The following PNPT1 variants were observed in gnomAD, a reference collection of about 807,000 sequenced individuals.
PNPT1 encodes the protein polyribonucleotide nucleotidyltransferase 1, mitochondrial.
In PNPT1, 53 loss-of-function variants were observed where a neutral mutation model predicts 119.5. That is an observed-to-expected ratio of 0.44 (90% CI 0.36 to 0.56). PNPT1 has a LOEUF of 0.56. PNPT1 is among the 20% of genes least tolerant of loss of function. The pLI is 0.00. For missense variants in PNPT1, 948 were observed against 938.5 expected, an observed-to-expected ratio of 1.01 and a Z score of -0.13; for synonymous variants, 357 against 322.1, an observed-to-expected ratio of 1.11 and a Z score of -1.16.
In PNPT1 at chr2:55,635,492, T is replaced by C. The variant is rs1370134738; in HGVS notation, c.*745A>G. ...ACCACGCCCGGCTAATTTTTGCACT[T>C]TTAGTAGAGACGGGGTTTCACCGTG... On this transcript the variant is annotated 3_prime_UTR_variant, in exon 28 of 28. Coordinates refer to ENST00000447944, the MANE Select transcript of PNPT1 (RefSeq NM_033109.5). The C allele has an allele frequency of 6.6e-6, 1 of 152,268 alleles. No individual in the cohort carries two copies. Among genetic ancestry groups the C allele is most frequent in the Non-Finnish European group, 1.5e-5 (1 of 68,108 alleles). The allele number at this position is 152,268 out of a possible 1,614,324, so 9.4% of individuals were successfully genotyped here. A position where few individuals can be genotyped will look rare whatever the true frequency, so the allele number is the denominator to read the frequency against.
At chr2:55,640,782 C>T in intron 25 of PNPT1, 77 bp from the exon 26 acceptor site, 1 of 1,008,430 alleles carries the variant, frequency 9.9e-7, no homozygotes, top group South Asian at 1.5e-5. Flanking sequence ...ACATTGTTTT[C>T]ATATGAGGAA....
In PNPT1 at chr2:55,668,075, T is replaced by G. The variant is rs540751722; in HGVS notation, c.977-117A>C. ...GGGAATCAACCAAGGGAGATGACTC[T>G]GAACGTTTAGTCCTCAGGCAAACAA... On this transcript the variant is annotated intron_variant, in intron 11 of 27. Transcript: ENST00000447944. 5.1e-5 allele frequency: 45 copies of G among 888,956 alleles called. 1 individual carries two copies. The African/African-American group carries it at 7.2e-4, about 14-fold the overall frequency. 55.1% of individuals were successfully genotyped at this position (888,956 alleles called of 1,614,324 possible).
At chr2:55,661,545 G>A (rs368149783) in intron 14 of PNPT1, among the ~76,000 whole-genome samples, 12 of 152,272 alleles carry the variant, frequency 7.9e-5, no homozygotes, top group African/African-American at 2.9e-4. Flanking sequence ...CGTGGCTTGG[G>A]ATTCGACAAG....
Position 55,685,619 on chromosome 2 carries a change from T to C in PNPT1, c.298-571A>G, listed in dbSNP as rs111835520. 2.1e-3 allele frequency among the ~76,000 whole-genome samples: 320 copies of C among 152,284 alleles called. 5 individuals are homozygous for C. Among genetic ancestry groups the C allele is most frequent in the African/African-American group, 6.9e-3 (286 of 41,548 alleles). ...ATGCTCATTCTGATCAAGTCAAACA[T>C]TGCTTTTTTTTGGTATCAACTCTGT... On this transcript the variant is annotated intron_variant, in intron 3 of 27. Coordinates refer to ENST00000447944, the MANE Select transcript of PNPT1 (RefSeq NM_033109.5).
chr2:55,636,315 G>C lies in PNPT1; in HGVS notation c.2274C>G (p.Thr758=), dbSNP rs751043523. ...TTCTGTCATTCAAAGTTCTGACCAC[G>C]GTTGTAGCTGGCGACTGAAGCACTT... is the stretch of plus-strand genomic sequence containing the variant. ...SRKVLQSPAT[T]VVRTLNDRSS... Residue 758 remains threonine, a synonymous_variant, in exon 28 of 28, where the codon ACC becomes ACG. Transcript: ENST00000447944. 1 of 1,613,814 alleles carries C rather than the reference G, an allele frequency of 6.2e-7. No individual in the cohort carries two copies. The highest frequency in any genetic ancestry group is 1.3e-5 in the African/African-American group (1 of 74,900).
At chr2:55,671,414 GACA>G (rs1696910803) in intron 10 of PNPT1, 38 bp from the exon 11 acceptor site, 2 of 1,220,798 alleles carry the variant, frequency 1.6e-6, no homozygotes, top group African/African-American at 1.6e-5. Context: ...ACATATACAT[GACA>G]ACATTTAATA....
rs888587175 is a variant in PNPT1 at position 55,635,517 on chromosome 2, G to C, written c.*720C>G. 3 of 152,126 alleles carry C rather than the reference G, an allele frequency of 2.0e-5. No individual in the cohort carries two copies. Among genetic ancestry groups the C allele is most frequent in the Non-Finnish European group, 4.4e-5 (3 of 68,080 alleles). The allele number at this position is 152,126 out of a possible 1,614,324, so 9.4% of individuals were successfully genotyped here. On this transcript the variant is annotated 3_prime_UTR_variant, in exon 28 of 28. Transcript: ENST00000447944. The stretch of plus-strand genomic sequence containing the variant: ...TTTAGTAGAGACGGGGTTTCACCGT[G>C]TTAGCCAGGATGGTCTCGATCTCCT...
chr2:55,693,809 C>T lies in PNPT1; in HGVS notation c.15G>A (p.Arg5=), dbSNP rs772663841. MAAC[R]YCCSCLRLRP... is the part of the protein sequence containing the mutation. ...GGAGCCGGAGGCACGAGCAGCAGTA[C>T]CTGCAGGCCGCCATGACACCCGGCA... The change falls in exon 1 of 28, where the codon AGG becomes AGA. Residue 5 remains arginine (R), a synonymous_variant. Coordinates refer to ENST00000447944, the MANE Select transcript of PNPT1 (RefSeq NM_033109.5). The T allele has an allele frequency of 1.2e-6, 2 of 1,613,622 alleles. No individual in the cohort carries two copies. Among genetic ancestry groups the T allele is most frequent in the East Asian group, 2.2e-5 (1 of 44,892 alleles).
intron 15 of PNPT1, 38 bp downstream of exon 15, chr2:55,660,119 T>G: frequency 6.5e-7 from 1 of 1,534,256 alleles, no homozygotes. Context: ...AATTTATTAA[T>G]TTATTAATAA....
intron 8 of PNPT1, among the ~76,000 whole-genome samples, chr2:55,676,985 C>G (rs1470877531): frequency 6.6e-6 from 1 of 151,888 alleles, no homozygotes; most frequent in African/African-American, 2.4e-5. Flanking sequence ...TCACTTGGAC[C>G]CGATGTTAAC....
intron 3 of PNPT1, 90 bp from the exon 4 acceptor site, chr2:55,685,138 A>G: frequency 1.1e-6 from 1 of 908,242 alleles, no homozygotes; most frequent in Admixed American, 3.1e-5. Context: ...GGTTGCTAAC[A>G]ACACAGTCTA....
intron 5 of PNPT1, among the ~76,000 whole-genome samples, chr2:55,681,462 G>C (rs970251280): frequency 6.6e-6 from 1 of 152,058 alleles, no homozygotes; most frequent in African/African-American, 2.4e-5. Flanking sequence ...GTTCCTATGA[G>C]AATCAGATAA....
rs2104123301 is a variant in PNPT1, at chr2:55,671,860, A to G, written c.918+135T>C. 3 of 669,756 alleles carry G rather than the reference A, an allele frequency of 4.5e-6. No individual in the cohort carries two copies. In the African/African-American group the frequency reaches 5.6e-5, roughly 13 times the overall value. 41.5% of individuals were successfully genotyped at this position (669,756 alleles called of 1,614,324 possible). On this transcript the variant is annotated intron_variant, in intron 10 of 27. Coordinates refer to ENST00000447944, the MANE Select transcript of PNPT1 (RefSeq NM_033109.5). Reference sequence around the variant, plus strand: ...AACAAAACAAAAGAATGGAGAAACAATTAGGCTTTTGTTAGTTTTTCATTT... The same window carrying G: ...AACAAAACAAAAGAATGGAGAAACAGTTAGGCTTTTGTTAGTTTTTCATTT...
Position 55,670,000 on chromosome 2 carries a change from C to A in PNPT1, c.976+1319G>T, listed in dbSNP as rs1572821190. Among the ~76,000 whole-genome samples the A allele has an allele frequency of 2.0e-5, 3 of 152,050 alleles. No homozygotes were observed. In the South Asian group the frequency reaches 6.2e-4, roughly 32 times the overall value. The stretch of plus-strand genomic sequence containing the variant: ...TCTTGAACTCCTGATCTCAAGTGAT[C>A]CACCCACTTTGGCTTCCCAAAGTGC... On this transcript the variant is annotated intron_variant, in intron 11 of 27. Coordinates refer to ENST00000447944, the MANE Select transcript of PNPT1 (RefSeq NM_033109.5).
chr2:55,670,129 G>C (rs2104116669), intron 11 of PNPT1, among the ~76,000 whole-genome samples: 1 of 151,872 alleles, frequency 6.6e-6, no homozygotes, highest in East Asian at 1.9e-4. Flanking sequence ...CAAAAACTAT[G>C]TCATACTTCA....
intron 8 of PNPT1, among the ~76,000 whole-genome samples, chr2:55,673,467 G>C (rs1218513418): frequency 2.6e-4 from 27 of 102,758 alleles, no homozygotes; most frequent in Non-Finnish European, 6.0e-5. Context: ...TTTTTTTTTT[G>C]AGACAGAGTC....
At position 55,662,005 on chromosome 2, in the gene PNPT1, C is replaced by A; in HGVS notation, c.1198G>T (p.Asp400Tyr). ...GACTTAATACCAGATTCTAATGAAT[C>A]AAATGTAACGGTACAAAGCACCTAA... Reference protein sequence around the residue: ...QTQVLCTVTFDSLESGIKSDQ... With the variant: ...QTQVLCTVTFYSLESGIKSDQ... Residue 400 changes from aspartate to tyrosine, a missense_variant, in exon 14 of 28, where the codon GAT becomes TAT. By Grantham distance (160) the Asp-to-Tyr change is radical. Transcript: ENST00000447944. 6.3e-7 allele frequency: 1 copy of A among 1,576,960 alleles called. No individual in the cohort carries two copies.
At chr2:55,640,070 G>T (rs934023010) in intron 26 of PNPT1, among the ~76,000 whole-genome samples, 2 of 151,826 alleles carry the variant, frequency 1.3e-5, no homozygotes, top group Non-Finnish European at 2.9e-5. Flanking sequence ...TTGTTTTCTT[G>T]TTGCATGGAT....
At chr2:55,660,568 C>T (rs141747727) in intron 14 of PNPT1, among the ~76,000 whole-genome samples, 149 of 152,166 alleles carry the variant, frequency 9.8e-4, no homozygotes, top group Middle Eastern at 3.4e-3. Flanking sequence ...ATATGTGAAA[C>T]GAAGAAAAAG....
Sources: allele counts gnomAD v4.1 joint callset (sites outside exome capture counted in the v4.1 genomes callset), GRCh38; gene constraint gnomAD v4.1.1; transcripts MANE v1.5; gene names NCBI Gene and HGNC (gene_info 2026-07-23, HGNC 2026-07-21).